Variants in ABCA12 observed in about 807,000 individuals in gnomAD.
The protein encoded by ABCA12 is glucosylceramide transporter ABCA12.
Under a neutral mutation model 293.5 loss-of-function variants are expected in ABCA12, and 156 were observed. The observed-to-expected ratio is 0.53, with a 90% CI of 0.47 to 0.61. The LOEUF is 0.61. Among genes scored for constraint, ABCA12 ranks in the 20% least tolerant of loss-of-function variants. The pLI is 0.00. For missense variants in ABCA12, 2,797 were observed against 3,090.2 expected (o/e 0.91, Z 2.25); for synonymous variants, 1,063 against 1,108.0 (o/e 0.96, Z 0.81).
chr2:215,017,193 T>C (rs1435380849), intron 14 of ABCA12, among the ~76,000 whole-genome samples: 1 of 152,178 alleles, frequency 6.6e-6, no homozygotes, highest in Non-Finnish European at 1.5e-5. Context: ...TATTGGAAAA[T>C]AACTGGGCTG....
intron 35 of ABCA12, 78 bp downstream of exon 35, chr2:214,974,700 C>G: frequency 7.5e-7 from 1 of 1,330,982 alleles, no homozygotes; most frequent in South Asian, 1.2e-5. Context: ...AAATAACAGA[C>G]ACACACACCC....
chr2:215,014,941 G>C (rs1264194536), intron 15 of ABCA12, among the ~76,000 whole-genome samples: 1 of 152,064 alleles, frequency 6.6e-6, no homozygotes, highest in East Asian at 1.9e-4. Context: ...TACTCATAGA[G>C]CATCTGCATA....
At chr2:214,985,900 A>G (rs1699775088) in intron 28 of ABCA12, among the ~76,000 whole-genome samples, 1 of 152,184 alleles carries the variant, frequency 6.6e-6, no homozygotes, top group African/African-American at 2.4e-5. Flanking sequence ...AAAACAGTTG[A>G]ATCTCTTCTC....
At position 215,019,316 on chromosome 2, in the gene ABCA12, AAATGTGGATG is replaced by A. The variant is rs1270126224; in HGVS notation, c.1657+10_1657+19del. On this transcript the variant is annotated intron_variant, in intron 13 of 52. Coordinates refer to ENST00000272895, the MANE Select transcript of ABCA12 (RefSeq NM_173076.3). ...ATGCATTCTAATAAGACAAGATTTA[AAATGTGGATG>A]GGGAAACACCTGGCTTTTCAGAAGC... 6.3e-7 allele frequency: 1 copy of A among 1,587,458 alleles called. No homozygotes were observed. Among genetic ancestry groups the A allele is most frequent in the Non-Finnish European group, 8.6e-7 (1 of 1,157,664 alleles).
intron 2 of ABCA12, among the ~76,000 whole-genome samples, chr2:215,065,326 A>AAAAAAT (rs1701621107): frequency 7.9e-6 from 1 of 126,582 alleles, no homozygotes; most frequent in African/African-American, 2.8e-5. Flanking sequence ...AAAAAAAAAA[A>AAAAAAT]GAGTGCCCGT....
chr2:215,090,526 G>T (rs887188890), intron 2 of ABCA12, among the ~76,000 whole-genome samples: 4 of 151,934 alleles, frequency 2.6e-5, no homozygotes, highest in African/African-American at 9.7e-5. Flanking sequence ...CTTAATATTG[G>T]TTCCTTTCCT....
intron 1 of ABCA12, among the ~76,000 whole-genome samples, chr2:215,133,499 G>T (rs1210884200): frequency 6.6e-6 from 1 of 151,906 alleles, no homozygotes; most frequent in African/African-American, 2.4e-5. Context: ...CTTTCAGCCT[G>T]CAATCTCTTT....
At chr2:215,127,296 ATC>A (rs1702947616) in intron 1 of ABCA12, among the ~76,000 whole-genome samples, 1 of 152,122 alleles carries the variant, frequency 6.6e-6, no homozygotes, top group Non-Finnish European at 1.5e-5. Flanking sequence ...TTCTGTACAG[ATC>A]TGTTAAGTTC....
At chr2:215,001,121 G>A (rs1700136639) in intron 21 of ABCA12, 101 bp from the exon 22 acceptor site, 1 of 1,161,866 alleles carries the variant, frequency 8.6e-7, no homozygotes, top group East Asian at 2.5e-5. Context: ...AGTCAATTGA[G>A]TTAGTAATGT....
chr2:215,124,377 G>T (rs1702876149), intron 1 of ABCA12, among the ~76,000 whole-genome samples: 1 of 152,156 alleles, frequency 6.6e-6, no homozygotes, highest in South Asian at 2.1e-4. Flanking sequence ...GTTCTTTAAG[G>T]AATTTCCACA....
chr2:214,939,443 G>C (rs1170460751), intron 50 of ABCA12, among the ~76,000 whole-genome samples: 2 of 152,018 alleles, frequency 1.3e-5, no homozygotes, highest in Admixed American at 6.6e-5. Context: ...CTTGGCTATA[G>C]GGGCTCTTTT....
At chr2:215,093,473 T>C (rs2948973) in intron 2 of ABCA12, among the ~76,000 whole-genome samples, 150,783 of 152,274 alleles carry the variant, frequency 0.99, 74,663 homozygotes, top group Middle Eastern at 1. Context: ...TCATCCCAAC[T>C]CTTTTTCATT....
intron 2 of ABCA12, among the ~76,000 whole-genome samples, chr2:215,088,572 T>C (rs1449307540): frequency 6.6e-6 from 1 of 152,216 alleles, no homozygotes; most frequent in Non-Finnish European, 1.5e-5. Context: ...TGAAAAGCTA[T>C]TAGATTCCAA....
chr2:215,020,177 ATTTC>A (rs1700596027), intron 11 of ABCA12, among the ~76,000 whole-genome samples: 2 of 151,992 alleles, frequency 1.3e-5, no homozygotes, highest in Admixed American at 1.3e-4. Context: ...TTTAAAAAGT[ATTTC>A]TTTCTCACAC....
At chr2:215,035,226 A>G (rs921654365) in intron 8 of ABCA12, among the ~76,000 whole-genome samples, 2 of 152,254 alleles carry the variant, frequency 1.3e-5, no homozygotes, top group Non-Finnish European at 2.9e-5. Context: ...ATTGACATTA[A>G]TACATCTGCA....
chr2:214,948,505 G>C, intron 47 of ABCA12, 91 bp downstream of exon 47: 1 of 1,390,848 alleles, frequency 7.2e-7, no homozygotes, highest in Non-Finnish European at 9.9e-7. Context: ...GAAATGGTGG[G>C]GCAGGGGGGA....
intron 6 of ABCA12, among the ~76,000 whole-genome samples, chr2:215,049,312 G>T (rs976195252): frequency 3.3e-5 from 5 of 152,078 alleles, no homozygotes; most frequent in Non-Finnish European, 7.4e-5. Flanking sequence ...CACAGCCTGA[G>T]TAATCTCACC....
intron 2 of ABCA12, among the ~76,000 whole-genome samples, chr2:215,067,549 A>G (rs1701661041): frequency 6.6e-6 from 1 of 152,194 alleles, no homozygotes; most frequent in Non-Finnish European, 1.5e-5. Flanking sequence ...ATTCATGCCC[A>G]TCTCCAGGAG....
chr2:214,957,008 G>A (rs1559113800), intron 41 of ABCA12, among the ~76,000 whole-genome samples: 1 of 152,178 alleles, frequency 6.6e-6, no homozygotes, highest in African/African-American at 2.4e-5. Context: ...ATCTTTAACA[G>A]ATATACAAGG....
Sources: gnomAD v4.1 joint callset for allele counts (sites outside exome capture counted in the v4.1 genomes callset) on GRCh38, gnomAD v4.1.1 for gene constraint, MANE v1.5 for transcripts, NCBI Gene and HGNC (gene_info 2026-07-23, HGNC 2026-07-21) for gene names.